The following ZC3H18 variants were observed in gnomAD, a reference collection of about 807,000 sequenced individuals.
The protein encoded by ZC3H18 is zinc finger CCCH-type containing 18, also known as zinc finger CCCH domain-containing protein 18.
A neutral mutation model predicts 106.1 loss-of-function variants in ZC3H18; 8 were observed. The observed-to-expected ratio is 0.08, with a 90% CI of 0.04 to 0.14. The LOEUF (loss-of-function observed/expected upper bound fraction) is 0.14. Ranked by LOEUF, ZC3H18 falls within the 10% of genes least tolerant of loss-of-function variation. The pLI is 1.00. For synonymous variants in ZC3H18, 635 were observed against 522.1 expected, an observed-to-expected ratio of 1.22 and a Z score of -2.95; for missense variants, 1,318 against 1,278.4, an observed-to-expected ratio of 1.03 and a Z score of -0.47.
At chr16:88,630,762 C>CACA (rs1414300707) in intron 17 of ZC3H18, among the ~76,000 whole-genome samples, 181 bp downstream of exon 17, 1 of 111,182 alleles carries the variant, frequency 9.0e-6, no homozygotes, top group Non-Finnish European at 2.1e-5. Context: ...CCCCACCCCC[C>CACA]CCCACACACA....
At chr16:88,582,021 TCTC>T (rs992744453) in intron 2 of ZC3H18, among the ~76,000 whole-genome samples, 6 of 152,104 alleles carry the variant, frequency 3.9e-5, no homozygotes, top group African/African-American at 1.4e-4. Flanking sequence ...TTTGTTCCAT[TCTC>T]CTCTTATTGA....
intron 10 of ZC3H18, chr16:88,623,599 C>T: frequency 1.7e-6 from 1 of 590,624 alleles, no homozygotes. Context: ...CACTCCAGTC[C>T]TCCGCAGACA....
chr16:88,594,300 T>C (rs1904324624), intron 3 of ZC3H18, among the ~76,000 whole-genome samples: 1 of 152,134 alleles, frequency 6.6e-6, no homozygotes, highest in South Asian at 2.1e-4. Flanking sequence ...TGTTAAATAA[T>C]GAGATATCTT....
intron 12 of ZC3H18, 31 bp downstream of exon 12, chr16:88,624,776 C>A: frequency 6.3e-7 from 1 of 1,585,514 alleles, no homozygotes; most frequent in Non-Finnish European, 8.6e-7. Flanking sequence ...GGCCCTCAGG[C>A]TTTCCGTGTT....
chr16:88,602,752 A>G (rs544339925), intron 6 of ZC3H18, among the ~76,000 whole-genome samples: 14 of 152,206 alleles, frequency 9.2e-5, no homozygotes, highest in East Asian at 7.7e-4. Context: ...GACTCAAGCA[A>G]TCCTCGCGCC....
chr16:88,630,423 C>A, intron 16 of ZC3H18, 62 bp from the exon 17 acceptor site: 2 of 1,394,778 alleles, frequency 1.4e-6, no homozygotes, highest in Non-Finnish European at 2.0e-6. Flanking sequence ...ATCGGTGAGG[C>A]CACCCACACA....
intron 8 of ZC3H18, 124 bp downstream of exon 8, chr16:88,611,660 A>G: frequency 7.2e-7 from 1 of 1,387,050 alleles, no homozygotes; most frequent in Non-Finnish European, 9.6e-7. Flanking sequence ...GGACCAGTGC[A>G]GGCCCACAGC....
chr16:88,607,323 G>T (rs921995841), intron 6 of ZC3H18, among the ~76,000 whole-genome samples: 12 of 152,210 alleles, frequency 7.9e-5, no homozygotes, highest in Non-Finnish European at 1.8e-4. Context: ...TGTCTGGCGT[G>T]TCTTTTCATT....
intron 3 of ZC3H18, among the ~76,000 whole-genome samples, chr16:88,596,609 C>T (rs868644956): frequency 6.6e-6 from 1 of 152,046 alleles, no homozygotes; most frequent in African/African-American, 2.4e-5. Flanking sequence ...CATTGCACTC[C>T]AGCCTGGGAC....
At chr16:88,612,983 A>C (rs1905357619) in intron 8 of ZC3H18, among the ~76,000 whole-genome samples, 1 of 152,192 alleles carries the variant, frequency 6.6e-6, no homozygotes, top group Non-Finnish European at 1.5e-5. Flanking sequence ...AGCCTGGGTA[A>C]TAGAGCAAGA....
intron 6 of ZC3H18, among the ~76,000 whole-genome samples, chr16:88,605,562 C>T (rs761611158): frequency 6.6e-6 from 1 of 152,252 alleles, no homozygotes; most frequent in South Asian, 2.1e-4. Flanking sequence ...AGCACAGCCT[C>T]CCTCCACCTG....
chr16:88,617,650 C>T (rs1447186375), intron 8 of ZC3H18, among the ~76,000 whole-genome samples: 1 of 152,258 alleles, frequency 6.6e-6, no homozygotes, highest in African/African-American at 2.4e-5. Flanking sequence ...GGTGCCCCTT[C>T]AGGGCTTGAG....
intron 10 of ZC3H18, 179 bp from the exon 11 acceptor site, chr16:88,623,779 G>T: frequency 2.5e-6 from 3 of 1,204,426 alleles, no homozygotes; most frequent in Non-Finnish European, 2.2e-6. Flanking sequence ...ACGCTCTCTG[G>T]TCTACTCTGG....
rs1567592357 is a variant in ZC3H18 at position 88,611,393 on chromosome 16, G to A, written c.1332G>A (p.Lys444=). The A allele has an allele frequency of 8.3e-7, 1 of 1,202,216 alleles. No individual in the cohort carries two copies. The highest frequency in any genetic ancestry group is 1.2e-6 in the Non-Finnish European group (1 of 827,974). The allele number at this position is 1,202,216 out of a possible 1,614,324, so 74.5% of individuals were successfully genotyped here. A position where few individuals can be genotyped will look rare whatever the true frequency, so the allele number is the denominator to read the frequency against. The change falls in exon 8 of 18, where the codon AAG becomes AAA. Residue 444 remains lysine (K), a synonymous_variant. Transcript: ENST00000301011. ...GAGAGCGGGAGCGCGAGCGCGACAA[G>A]GAGCGGCAGCGGAGGAAGGAGGAGT... The part of the protein sequence containing the change: ...RERERERERD[K]ERQRRKEEWE...
At chr16:88,603,854 C>T (rs1904876774) in intron 6 of ZC3H18, among the ~76,000 whole-genome samples, 1 of 149,578 alleles carries the variant, frequency 6.7e-6, no homozygotes, top group Middle Eastern at 3.2e-3. Context: ...AGGTTGGTCT[C>T]GATCTCCTGA....
intron 3 of ZC3H18, among the ~76,000 whole-genome samples, chr16:88,586,998 A>G (rs1915478233): frequency 6.6e-6 from 1 of 152,148 alleles, no homozygotes; most frequent in Admixed American, 6.5e-5. Flanking sequence ...GGCATCAGTC[A>G]TTTTTCAAAG....
rs1028949170 is a variant in ZC3H18 at position 88,611,175 on chromosome 16, A to G, written c.1207-93A>G. ...GGGTACAGGTGTGATTCTGTGACACAGACAGATCGCGTGGTGTTGGAGCCA... is the reference window on the plus strand; with the variant it reads ...GGGTACAGGTGTGATTCTGTGACACGGACAGATCGCGTGGTGTTGGAGCCA... On this transcript the variant is annotated intron_variant, in intron 7 of 17. Transcript: ENST00000301011. The G allele has an allele frequency of 8.7e-6, 6 of 693,622 alleles. No individual in the cohort carries two copies. The African/African-American group carries it at 1.1e-4, about 12-fold the overall frequency. 43.0% of individuals were successfully genotyped at this position (693,622 alleles called of 1,614,324 possible). A position where few individuals can be genotyped will look rare whatever the true frequency, so the allele number is the denominator to read the frequency against.
At chr16:88,626,872 T>C (rs544400721) in intron 13 of ZC3H18, among the ~76,000 whole-genome samples, 1 of 152,320 alleles carries the variant, frequency 6.6e-6, no homozygotes, top group East Asian at 1.9e-4. Flanking sequence ...ACAGACCTGC[T>C]GTTTCCAGTC....
chr16:88,627,655 C>G lies in ZC3H18; in HGVS notation c.2142C>G (p.Ser714=). The G allele has an allele frequency of 6.2e-7, 1 of 1,610,586 alleles. No homozygotes were observed. Among genetic ancestry groups the G allele is most frequent in the Non-Finnish European group, 8.5e-7 (1 of 1,177,228 alleles). Reference sequence around the variant, plus strand: ...GCGTGAGCAGCGTCTCCTCAGTGTCCAGTGCTACGTCGAGCAGCAGCTCTG... The same window carrying G: ...GCGTGAGCAGCGTCTCCTCAGTGTCGAGTGCTACGTCGAGCAGCAGCTCTG... ...SLSVSSVSSV[S]SATSSSSSAH... is the part of the protein sequence containing the mutation. Residue 714 remains serine, a synonymous_variant, in exon 14 of 18, where the codon TCC becomes TCG. Coordinates refer to ENST00000301011, the MANE Select transcript of ZC3H18 (RefSeq NM_144604.4). This position sits in a 1 kb window ranked among gnomAD's most constrained non-coding sequence, Gnocchi z 4.5.
Sources: allele counts gnomAD v4.1 joint callset (sites outside exome capture counted in the v4.1 genomes callset), GRCh38; gene constraint gnomAD v4.1.1; non-coding constraint Gnocchi (gnomAD v3.1); transcripts MANE v1.5; gene names NCBI Gene and HGNC (gene_info 2026-07-23, HGNC 2026-07-21).